Variants in MTUS2 observed in about 807,000 individuals in gnomAD.
MTUS2 encodes microtubule-associated tumor suppressor candidate 2.
In MTUS2, 40 loss-of-function variants were observed where a neutral mutation model predicts 114.1. The ratio of observed to expected loss-of-function variants is 0.35; its 90% CI spans 0.27 to 0.46. The LOEUF (loss-of-function observed/expected upper bound fraction) is 0.46, where lower values mean the gene tolerates loss of function less well. Ranked by LOEUF, MTUS2 falls within the 20% of genes least tolerant of loss-of-function variation. The probability of loss-of-function intolerance (pLI) is 1.00; values close to 1 mark genes in which losing one functional copy is unlikely to be tolerated. For synonymous variants in MTUS2, 688 were observed against 672.0 expected, an observed-to-expected ratio of 1.02 and a Z score of -0.37; for missense variants, 1,679 against 1,705.4, an observed-to-expected ratio of 0.98 and a Z score of 0.27.
At chr13:29,355,832 C>T (rs1417159452) in intron 7 of MTUS2, among the ~76,000 whole-genome samples, 1 of 152,178 alleles carries the variant, frequency 6.6e-6, no homozygotes, top group Non-Finnish European at 1.5e-5. Context: ...CGGTAGTGTA[C>T]TAGGGCCAGT....
At chr13:29,120,198 A>T (rs1255638496) in intron 5 of MTUS2, among the ~76,000 whole-genome samples, 1 of 152,120 alleles carries the variant, frequency 6.6e-6, no homozygotes, top group East Asian at 1.9e-4. Flanking sequence ...TCACAAATTG[A>T]TATTATATTT....
intron 5 of MTUS2, among the ~76,000 whole-genome samples, chr13:29,178,070 A>G (rs1485653757): frequency 1.3e-5 from 2 of 152,156 alleles, no homozygotes; most frequent in South Asian, 2.1e-4. Flanking sequence ...GGTTGGCTGC[A>G]GTCCTTCATG....
chr13:29,045,581 G>A (rs1479792742), intron 4 of MTUS2, among the ~76,000 whole-genome samples: 2 of 152,182 alleles, frequency 1.3e-5, no homozygotes, highest in Non-Finnish European at 2.9e-5. Flanking sequence ...TGCCACCACA[G>A]GTGGAGGTGG....
At chr13:28,889,874 G>T (rs1422814725) in intron 2 of MTUS2, among the ~76,000 whole-genome samples, 2 of 152,170 alleles carry the variant, frequency 1.3e-5, no homozygotes. Flanking sequence ...TGAGAGGGCA[G>T]ATCTGTTCCA....
chr13:28,850,420 T>C (rs1401475739), intron 2 of MTUS2, among the ~76,000 whole-genome samples: 1 of 152,218 alleles, frequency 6.6e-6, no homozygotes, highest in African/African-American at 2.4e-5. Flanking sequence ...CAAGCTTGGC[T>C]AATTGGCCAG....
At chr13:28,886,148 G>A (rs1566198084) in intron 2 of MTUS2, among the ~76,000 whole-genome samples, 1 of 152,180 alleles carries the variant, frequency 6.6e-6, no homozygotes, top group East Asian at 1.9e-4. Flanking sequence ...TCAGAGGGAT[G>A]TAGGGGCCAT....
intron 2 of MTUS2, among the ~76,000 whole-genome samples, chr13:28,927,087 G>A (rs1296054355): frequency 1.3e-5 from 2 of 152,138 alleles, no homozygotes; most frequent in African/African-American, 4.8e-5. Flanking sequence ...AGGTGCTATA[G>A]CATTTATAGT....
In MTUS2 at chr13:29,254,786, A is replaced by C. The variant is rs538488729; in HGVS notation, c.2645-26918A>C. 2.0e-5 allele frequency among the ~76,000 whole-genome samples: 3 copies of C among 152,332 alleles called. No homozygotes were observed. In the South Asian group the frequency reaches 6.2e-4, roughly 32 times the overall value. On this transcript the variant is annotated intron_variant, in intron 5 of 15. Coordinates refer to ENST00000612955, the MANE Select transcript of MTUS2 (RefSeq NM_001033602.4). ...AAACAGGAAAACACTGCCAGCTCTGATTACATCCACCTCACCTCTTCCTGC... is the reference window on the plus strand; with the variant it reads ...AAACAGGAAAACACTGCCAGCTCTGCTTACATCCACCTCACCTCTTCCTGC...
chr13:29,399,121 A>G (rs1874135146), intron 8 of MTUS2, among the ~76,000 whole-genome samples: 1 of 152,232 alleles, frequency 6.6e-6, no homozygotes, highest in Admixed American at 6.5e-5. Flanking sequence ...TATGCTAAAC[A>G]AGTGGTGGAT....
At chr13:29,430,050 C>G (rs979153252) in intron 8 of MTUS2, among the ~76,000 whole-genome samples, 1 of 152,172 alleles carries the variant, frequency 6.6e-6, no homozygotes, top group African/African-American at 2.4e-5. Context: ...CATTTATGTG[C>G]TTTTAACAAA....
chr13:28,925,945 C>CT (rs1881305710), intron 2 of MTUS2, among the ~76,000 whole-genome samples: 1 of 152,330 alleles, frequency 6.6e-6, no homozygotes, highest in African/African-American at 2.4e-5. Flanking sequence ...GCATTGGTAT[C>CT]TATCACCAGG....
chr13:29,162,213 T>C (rs1398408492), intron 5 of MTUS2, among the ~76,000 whole-genome samples: 2 of 152,190 alleles, frequency 1.3e-5, no homozygotes, highest in African/African-American at 4.8e-5. Flanking sequence ...CATCTTAACT[T>C]GATAACATCT....
chr13:29,138,904 T>C (rs1892098646), intron 5 of MTUS2, among the ~76,000 whole-genome samples: 1 of 152,152 alleles, frequency 6.6e-6, no homozygotes, highest in South Asian at 2.1e-4. Context: ...TTATAGTAAA[T>C]TTCTGAGTCA....
intron 7 of MTUS2, among the ~76,000 whole-genome samples, chr13:29,356,121 G>A (rs1298810771): frequency 2.6e-5 from 4 of 152,078 alleles, no homozygotes; most frequent in Non-Finnish European, 5.9e-5. Context: ...TTCAAGCAGT[G>A]GGGAAGGAGG....
intron 1 of MTUS2, among the ~76,000 whole-genome samples, chr13:28,830,361 T>C (rs1221886738): frequency 6.6e-6 from 1 of 152,122 alleles, no homozygotes; most frequent in Non-Finnish European, 1.5e-5. Flanking sequence ...CTATTATAAA[T>C]GTGTTCGAAG....
intron 2 of MTUS2, among the ~76,000 whole-genome samples, chr13:28,975,187 G>C (rs1342997752): frequency 6.6e-6 from 1 of 152,210 alleles, no homozygotes; most frequent in Non-Finnish European, 1.5e-5. Flanking sequence ...TGTTAGTGTG[G>C]AGTGGGTAGG....
chr13:29,475,922 G>C (rs1247642829), intron 9 of MTUS2, among the ~76,000 whole-genome samples: 4 of 152,118 alleles, frequency 2.6e-5, no homozygotes, highest in Non-Finnish European at 5.9e-5. Flanking sequence ...CTATAGTAGT[G>C]TACAGTCATG....
At chr13:29,391,063 CA>C (rs1434950747) in intron 8 of MTUS2, among the ~76,000 whole-genome samples, 1 of 151,512 alleles carries the variant, frequency 6.6e-6, no homozygotes, top group African/African-American at 2.4e-5. Flanking sequence ...AGGCATGAGC[CA>C]CCGTGTGCCC....
At chr13:29,375,592 T>TAAA (rs1566163591) in intron 8 of MTUS2, among the ~76,000 whole-genome samples, 2 of 32,362 alleles carry the variant, frequency 6.2e-5, no homozygotes, top group African/African-American at 6.9e-4. Context: ...TATATACGTA[T>TAAA]ATATATATAT....
Sources: allele counts gnomAD v4.1 joint callset (sites outside exome capture counted in the v4.1 genomes callset), GRCh38; gene constraint gnomAD v4.1.1; transcripts MANE v1.5; gene names NCBI Gene and HGNC (gene_info 2026-07-23, HGNC 2026-07-21).